The following ADAMTS18 variants were observed in gnomAD, a reference collection of about 807,000 sequenced individuals.
ADAMTS18 encodes the protein ADAM metallopeptidase with thrombospondin type 1 motif 18.
A neutral mutation model predicts 165.9 loss-of-function variants in ADAMTS18; 157 were observed. The ratio of observed to expected loss-of-function variants is 0.95; its 90% CI spans 0.83 to 1.08. The LOEUF is 1.08. ADAMTS18 is among the 50% of genes least tolerant of loss of function. ADAMTS18 has a pLI of 0.00. For synonymous variants in ADAMTS18, 782 were observed against 578.2 expected (o/e 1.35, Z -5.06); for missense variants, 2,040 against 1,534.0 (o/e 1.33, Z -5.51).
At chr16:77,343,025 C>T (rs949534506) in intron 10 of ADAMTS18, among the ~76,000 whole-genome samples, 3 of 151,952 alleles carry the variant, frequency 2.0e-5, no homozygotes, top group Non-Finnish European at 4.4e-5. Context: ...TGACTTCTCC[C>T]CTAAGGCCTT....
At chr16:77,382,240 T>C (rs974471084) in intron 3 of ADAMTS18, among the ~76,000 whole-genome samples, 8 of 152,214 alleles carry the variant, frequency 5.3e-5, no homozygotes, top group Middle Eastern at 3.4e-3. Flanking sequence ...TGAGACAGAG[T>C]CGCTCTGTTG....
chr16:77,422,788 A>G (rs1278239926), intron 3 of ADAMTS18, among the ~76,000 whole-genome samples: 1 of 152,168 alleles, frequency 6.6e-6, no homozygotes, highest in Non-Finnish European at 1.5e-5. Context: ...TATATAAACA[A>G]GAACAATCTC....
chr16:77,290,903 G>T, intron 21 of ADAMTS18: 2 of 359,082 alleles, frequency 5.6e-6, no homozygotes, highest in Non-Finnish European at 5.3e-6. Flanking sequence ...AGAACCAAAT[G>T]AGTAAAGGCT....
intron 14 of ADAMTS18, 141 bp from the exon 15 acceptor site, chr16:77,321,343 G>C: frequency 2.6e-6 from 3 of 1,145,480 alleles, no homozygotes; most frequent in South Asian, 1.4e-5. Flanking sequence ...ACAGCCTCAA[G>C]TTGGACTCAC....
At chr16:77,314,908 T>G (rs2144625909) in intron 16 of ADAMTS18, among the ~76,000 whole-genome samples, 1 of 149,930 alleles carries the variant, frequency 6.7e-6, no homozygotes, top group East Asian at 2.0e-4. Flanking sequence ...AATAATTAGC[T>G]GGTATTGTTT....
chr16:77,286,894 A>C (rs1035558615), intron 22 of ADAMTS18, among the ~76,000 whole-genome samples: 1 of 152,168 alleles, frequency 6.6e-6, no homozygotes, highest in African/African-American at 2.4e-5. Context: ...TGTACAGTGC[A>C]ACCATAAGGA....
chr16:77,355,879 T>A, intron 9 of ADAMTS18, 61 bp downstream of exon 9: 1 of 1,604,926 alleles, frequency 6.2e-7, no homozygotes, highest in Non-Finnish European at 8.5e-7. Flanking sequence ...TGCAGGTCTA[T>A]GGAGCACAAT....
intron 3 of ADAMTS18, among the ~76,000 whole-genome samples, chr16:77,411,353 G>T (rs1338422603): frequency 2.0e-5 from 3 of 152,132 alleles, no homozygotes; most frequent in Non-Finnish European, 4.4e-5. Flanking sequence ...ACGCCTTTTT[G>T]CAGGACCACT....
At chr16:77,423,293 G>C (rs888822018) in intron 3 of ADAMTS18, among the ~76,000 whole-genome samples, 1 of 152,050 alleles carries the variant, frequency 6.6e-6, no homozygotes, top group Admixed American at 6.6e-5. Flanking sequence ...TTTTTATCTA[G>C]GCTGAAACTC....
intron 3 of ADAMTS18, among the ~76,000 whole-genome samples, chr16:77,394,951 T>C (rs1324713786): frequency 6.6e-6 from 1 of 152,182 alleles, no homozygotes; most frequent in East Asian, 1.9e-4. Flanking sequence ...TCCATGTTCC[T>C]TCCACCATTT....
intron 12 of ADAMTS18, among the ~76,000 whole-genome samples, chr16:77,330,193 T>C (rs891901457): frequency 1.1e-4 from 16 of 152,296 alleles, no homozygotes; most frequent in African/African-American, 3.8e-4. Flanking sequence ...GGGGCCATGA[T>C]TTTCCTCCTA....
chr16:77,333,686 G>A (rs1567490325), intron 12 of ADAMTS18, among the ~76,000 whole-genome samples: 2 of 151,374 alleles, frequency 1.3e-5, no homozygotes, highest in African/African-American at 4.8e-5. Context: ...AGACATGGAA[G>A]TAACCTAAGA....
At chr16:77,357,154 C>T (rs1428433566) in intron 8 of ADAMTS18, among the ~76,000 whole-genome samples, 1 of 151,770 alleles carries the variant, frequency 6.6e-6, no homozygotes. Context: ...TAAATGTTAT[C>T]CTGATATAAT....
chr16:77,423,905 G>A (rs1271305640), intron 3 of ADAMTS18, among the ~76,000 whole-genome samples: 2 of 152,180 alleles, frequency 1.3e-5, no homozygotes, highest in Non-Finnish European at 2.9e-5. Context: ...CTGGTAAAGA[G>A]AGAGAGAGAA....
chr16:77,403,396 C>A (rs2057355574), intron 3 of ADAMTS18, among the ~76,000 whole-genome samples: 1 of 152,156 alleles, frequency 6.6e-6, no homozygotes, highest in Non-Finnish European at 1.5e-5. Context: ...ACAATTTTAT[C>A]AAGTGGCAGA....
At chr16:77,386,054 T>A (rs2057103078) in intron 3 of ADAMTS18, among the ~76,000 whole-genome samples, 1 of 152,238 alleles carries the variant, frequency 6.6e-6, no homozygotes, top group African/African-American at 2.4e-5. Flanking sequence ...GTGATTGGAC[T>A]TGGTAACTTA....
chr16:77,337,191 G>C (rs1317222766), intron 11 of ADAMTS18, among the ~76,000 whole-genome samples: 1 of 152,116 alleles, frequency 6.6e-6, no homozygotes, highest in Non-Finnish European at 1.5e-5. Context: ...ACACTATTGA[G>C]AAGTTTTTGG....
intron 5 of ADAMTS18, 119 bp downstream of exon 5, chr16:77,364,069 G>T (rs1028736267): frequency 2.2e-6 from 3 of 1,384,680 alleles, no homozygotes; most frequent in African/African-American, 2.8e-5. Flanking sequence ...AAAAGTAATG[G>T]CAGAAACTGC....
intron 16 of ADAMTS18, among the ~76,000 whole-genome samples, chr16:77,308,255 G>C (rs539197591): frequency 1.3e-5 from 2 of 152,240 alleles, no homozygotes; most frequent in African/African-American, 4.8e-5. Flanking sequence ...TCATATTTCA[G>C]CCATACAATA....
Sources: gnomAD v4.1 joint callset for allele counts (sites outside exome capture counted in the v4.1 genomes callset) on GRCh38, gnomAD v4.1.1 for gene constraint, MANE v1.5 for transcripts, NCBI Gene and HGNC (gene_info 2026-07-23, HGNC 2026-07-21) for gene names.